Variants in MAP3K4 observed in about 807,000 individuals in gnomAD.
The protein encoded by MAP3K4 is mitogen-activated protein kinase kinase kinase 4, also known as MAP three kinase 1.
A neutral mutation model predicts 185.6 loss-of-function variants in MAP3K4; 67 were observed. That is an observed-to-expected ratio of 0.36 (90% CI 0.30 to 0.44). The LOEUF is 0.44. Among genes scored for constraint, MAP3K4 ranks in the 20% least tolerant of loss-of-function variants. The probability of loss-of-function intolerance (pLI) is 1.00; values close to 1 mark genes in which losing one functional copy is unlikely to be tolerated. For synonymous variants in MAP3K4, 702 were observed against 710.4 expected (o/e 0.99, Z 0.19); for missense variants, 1,551 against 1,995.1 (o/e 0.78, Z 4.24).
intron 1 of MAP3K4, among the ~76,000 whole-genome samples, chr6:160,999,370 A>G (rs1158506902): frequency 2.0e-5 from 3 of 152,254 alleles, no homozygotes; most frequent in South Asian, 2.1e-4. Context: ...ATATGGGAAC[A>G]TAAAAATGTA....
chr6:161,048,848 C>G lies in MAP3K4; in HGVS notation c.576C>G (p.Gly192=). 1 of 1,614,174 alleles carries G rather than the reference C, an allele frequency of 6.2e-7. No individual in the cohort carries two copies. ...TCAATAAGCCTTACCTCAGCCTTGG[C>G]TGTAGCAATGCTAAGCTTCCAGTAT... ...VDLNKPYLSL[G]CSNAKLPVSV... Residue 192 remains glycine (G), a synonymous_variant, in exon 3 of 27, where the codon GGC becomes GGG. Coordinates refer to ENST00000392142, the MANE Select transcript of MAP3K4 (RefSeq NM_005922.4). The surrounding 1 kb of genome is among the most constrained non-coding windows in gnomAD (Gnocchi z 4.7).
At position 161,098,983 on chromosome 6, in the gene MAP3K4, C is replaced by T. The variant is rs1043509804; in HGVS notation, c.3674+556C>T. ...TCAGACAACTTGGCAAGCCCCAGAACAATTAAGTCTCGCATTGTCTTTTGT... is the reference window on the plus strand; with the variant it reads ...TCAGACAACTTGGCAAGCCCCAGAATAATTAAGTCTCGCATTGTCTTTTGT... On this transcript the variant is annotated intron_variant, in intron 17 of 26. Transcript: ENST00000392142. This position sits in a 1 kb window ranked among gnomAD's most constrained non-coding sequence, Gnocchi z 4.4. Among the ~76,000 whole-genome samples the T allele has an allele frequency of 2.0e-5, 3 of 152,202 alleles. No homozygotes were observed. Among genetic ancestry groups the T allele is most frequent in the Non-Finnish European group, 2.9e-5 (2 of 68,038 alleles).
Position 161,098,126 on chromosome 6 carries a change from T to C in MAP3K4, c.3525-152T>C, listed in dbSNP as rs905899074. 14 of 932,518 alleles carry C rather than the reference T, an allele frequency of 1.5e-5. No individual in the cohort carries two copies. Among genetic ancestry groups the C allele is most frequent in the Non-Finnish European group, 2.2e-5 (14 of 627,578 alleles). 57.8% of individuals were successfully genotyped at this position (932,518 alleles called of 1,614,324 possible). ...CTTTGAAGTTAGGTTTTTTCTTTTTTACACCTAGACTCAAATCTCAAAGAA... is the reference window on the plus strand; with the variant it reads ...CTTTGAAGTTAGGTTTTTTCTTTTTCACACCTAGACTCAAATCTCAAAGAA... On this transcript the variant is annotated intron_variant, in intron 16 of 26. Transcript: ENST00000392142. This position sits in a 1 kb window ranked among gnomAD's most constrained non-coding sequence, Gnocchi z 4.4.
At position 161,070,970 on chromosome 6, in the gene MAP3K4, G is replaced by A. The variant is rs1273785555; in HGVS notation, c.1950+120G>A. The A allele has an allele frequency of 3.2e-6, 3 of 942,492 alleles. No individual in the cohort carries two copies. Among genetic ancestry groups the A allele is most frequent in the East Asian group, 5.4e-5 (2 of 37,024 alleles). The allele number at this position is 942,492 out of a possible 1,614,324, so 58.4% of individuals were successfully genotyped here. ...TTGTCGCAAATAGTGAAAAATGACT[G>A]TTTGTCCATGGTTTTAAGCTGTATA... On this transcript the variant is annotated intron_variant, in intron 4 of 26. Transcript: ENST00000392142. The surrounding 1 kb of genome is among the most constrained non-coding windows in gnomAD (Gnocchi z 4.5).
Position 161,091,555 on chromosome 6 carries a change from A to C in MAP3K4, c.3135+15A>C, listed in dbSNP as rs774449029. ...TTGGATTTGAGGTAGGTTCAAAATA[A>C]GAGGAAACACGGTACAATTTAGTAA... On this transcript the variant is annotated intron_variant, in intron 12 of 26. Coordinates refer to ENST00000392142, the MANE Select transcript of MAP3K4 (RefSeq NM_005922.4). The surrounding 1 kb of genome is among the most constrained non-coding windows in gnomAD (Gnocchi z 5.5). The C allele has an allele frequency of 5.6e-6, 9 of 1,607,644 alleles. No individual in the cohort carries two copies. The highest frequency in any genetic ancestry group is 3.3e-4 in the Middle Eastern group (2 of 6,034).
At position 161,048,752 on chromosome 6, in the gene MAP3K4, T is replaced by G; in HGVS notation, c.480T>G (p.Asn160Lys). ...LRTTERDRKKNVQCSFMLDSV... is the reference protein window; with the variant it reads ...LRTTERDRKKKVQCSFMLDSV... ...CAACAGAGCGTGATCGTAAAAAAAATGTACAGTGCTCATTCATGTTAGACT... is the reference window on the plus strand; with the variant it reads ...CAACAGAGCGTGATCGTAAAAAAAAGGTACAGTGCTCATTCATGTTAGACT... Residue 160 changes from asparagine (N) to lysine (K), a missense_variant, in exon 3 of 27, where the codon AAT (asparagine) becomes AAG (lysine). By Grantham distance (94) the Asn-to-Lys change is moderately conservative. Coordinates refer to ENST00000392142, the MANE Select transcript of MAP3K4 (RefSeq NM_005922.4). The surrounding 1 kb of genome is among the most constrained non-coding windows in gnomAD (Gnocchi z 4.7). 5 of 1,613,998 alleles carry G rather than the reference T, an allele frequency of 3.1e-6. No homozygotes were observed. The highest frequency in any genetic ancestry group is 4.2e-6 in the Non-Finnish European group (5 of 1,179,986).
In MAP3K4 at chr6:161,100,665, G is replaced by GTA. The variant is rs1777800745; in HGVS notation, c.3675-1223_3675-1222dup. Among the ~76,000 whole-genome samples the GTA allele has an allele frequency of 6.6e-6, 1 of 152,118 alleles. No homozygotes were observed. On this transcript the variant is annotated intron_variant, in intron 17 of 26. Transcript: ENST00000392142. This position sits in a 1 kb window ranked among gnomAD's most constrained non-coding sequence, Gnocchi z 5.8. ...CATTCCCCAATATGCCACTTCATGA[G>GTA]TATATGTTCTTGCTTTTTACCCGTG...
At position 161,022,049 on chromosome 6, in the gene MAP3K4, GT is replaced by G. The variant is rs1219061209; in HGVS notation, c.153-12208del. On this transcript the variant is annotated intron_variant, in intron 1 of 26. Transcript: ENST00000392142. The surrounding 1 kb of genome is among the most constrained non-coding windows in gnomAD (Gnocchi z 4.2). ...TGAAAAAGAAAAAAGAAGAGTTGTTGTTAATTCAAAATTACCGTTCCCTAGT... is the reference window on the plus strand; with the variant it reads ...TGAAAAAGAAAAAAGAAGAGTTGTTGTAATTCAAAATTACCGTTCCCTAGT... The G allele has an allele frequency of 6.6e-6, 1 of 152,142 alleles. No homozygotes were observed. Among genetic ancestry groups the G allele is most frequent in the Non-Finnish European group, 1.5e-5 (1 of 68,020 alleles). 9.4% of individuals were successfully genotyped at this position (152,142 alleles called of 1,614,324 possible). A position where few individuals can be genotyped will look rare whatever the true frequency, so the allele number is the denominator to read the frequency against.
At position 161,053,897 on chromosome 6, in the gene MAP3K4, G is replaced by A. The variant is rs1784119557; in HGVS notation, c.1707+3918G>A. On this transcript the variant is annotated intron_variant, in intron 3 of 26. Transcript: ENST00000392142. The surrounding 1 kb of genome is among the most constrained non-coding windows in gnomAD (Gnocchi z 4.2). ...GCGTGAGCCACTGCGCCTGGCTAGTGTTTTTGTTCTTAATTGTTAAAATAT... is the reference window on the plus strand; with the variant it reads ...GCGTGAGCCACTGCGCCTGGCTAGTATTTTTGTTCTTAATTGTTAAAATAT... Among the ~76,000 whole-genome samples, 1 of 151,732 alleles carries A rather than the reference G, an allele frequency of 6.6e-6. No homozygotes were observed. Among genetic ancestry groups the A allele is most frequent in the Non-Finnish European group, 1.5e-5 (1 of 67,928 alleles).
At chr6:161,072,662 G>GT (rs1562521163) in intron 4 of MAP3K4, among the ~76,000 whole-genome samples, 1 of 152,144 alleles carries the variant, frequency 6.6e-6, no homozygotes, top group African/African-American at 2.4e-5. Context: ...TAGAAAGTTT[G>GT]TATCAGTTTA....
At chr6:161,009,231 G>T (rs1039144116) in intron 1 of MAP3K4, among the ~76,000 whole-genome samples, 1 of 152,088 alleles carries the variant, frequency 6.6e-6, no homozygotes, top group African/African-American at 2.4e-5. Flanking sequence ...TCATCCACCC[G>T]CCTCGGCCTC....
chr6:161,059,559 T>C (rs1324039251), intron 3 of MAP3K4, among the ~76,000 whole-genome samples: 2 of 152,238 alleles, frequency 1.3e-5, no homozygotes, highest in Non-Finnish European at 2.9e-5. Context: ...TTTCTATTAT[T>C]GATCTGTTGG....
Position 161,097,163 on chromosome 6 carries a change from C to T in MAP3K4, c.3511C>T (p.Pro1171Ser), listed in dbSNP as rs1333616180. 3.1e-6 allele frequency: 5 copies of T among 1,613,820 alleles called. No homozygotes were observed. The African/African-American group carries it at 5.3e-5, about 17-fold the overall frequency. Reference sequence around the variant, plus strand: ...TAACCCACACCTCATTATCCCCACTCCAGAGGGATTCAGGTATTTGGTGCT... The same window carrying T: ...TAACCCACACCTCATTATCCCCACTTCAGAGGGATTCAGGTATTTGGTGCT... Reference protein sequence around the residue: ...PPNPHLIIPTPEGFSTRSMPS... With the variant: ...PPNPHLIIPTSEGFSTRSMPS... The change falls in exon 16 of 27, where the codon CCA becomes TCA. Residue 1171 changes from proline (P) to serine (S), a missense_variant. Around this residue, in one of 16 missense-constraint regions of MAP3K4, gnomAD observed 272 missense variants for 301.2 expected, o/e 0.90. Coordinates refer to ENST00000392142, the MANE Select transcript of MAP3K4 (RefSeq NM_005922.4). This position sits in a 1 kb window ranked among gnomAD's most constrained non-coding sequence, Gnocchi z 4.9.
intron 1 of MAP3K4, among the ~76,000 whole-genome samples, chr6:161,019,891 A>C (rs1190787308): frequency 6.6e-6 from 1 of 152,238 alleles, no homozygotes. Flanking sequence ...TTTGTAGGGT[A>C]TATGGAGGCC....
At position 161,093,107 on chromosome 6, in the gene MAP3K4, T is replaced by A; in HGVS notation, c.3348+51T>A. On this transcript the variant is annotated intron_variant, in intron 14 of 26. Coordinates refer to ENST00000392142, the MANE Select transcript of MAP3K4 (RefSeq NM_005922.4). The surrounding 1 kb of genome is among the most constrained non-coding windows in gnomAD (Gnocchi z 5.2). ...CATTATAAAATAAGCCAGTCACTCCTTATTTTCTGGTTGTATATGTTTTAT... is the reference window on the plus strand; with the variant it reads ...CATTATAAAATAAGCCAGTCACTCCATATTTTCTGGTTGTATATGTTTTAT... 1 of 1,256,510 alleles carries A rather than the reference T, an allele frequency of 8.0e-7. No individual in the cohort carries two copies. The highest frequency in any genetic ancestry group is 1.2e-6 in the Non-Finnish European group (1 of 868,066). The allele number at this position is 1,256,510 out of a possible 1,614,324, so 77.8% of individuals were successfully genotyped here. A position where few individuals can be genotyped will look rare whatever the true frequency, so the allele number is the denominator to read the frequency against.
chr6:160,999,106 A>T (rs1562470159), intron 1 of MAP3K4, among the ~76,000 whole-genome samples: 1 of 152,234 alleles, frequency 6.6e-6, no homozygotes, highest in Non-Finnish European at 1.5e-5. Context: ...AGACAAAATA[A>T]GCCTTCTGTG....
chr6:161,034,299 G>C lies in MAP3K4; in HGVS notation c.193G>C (p.Glu65Gln). 2.5e-6 allele frequency: 4 copies of C among 1,613,890 alleles called. No homozygotes were observed. The highest frequency in any genetic ancestry group is 1.6e-4 in the Middle Eastern group (1 of 6,062). Residue 65 changes from glutamate (E) to glutamine (Q), a missense_variant, in exon 2 of 27, where the codon GAA becomes CAA. This residue lies in a region of MAP3K4 where 287 missense variants were observed against 268.8 expected (regional missense o/e 1.07). Transcript: ENST00000392142. This position sits in a 1 kb window ranked among gnomAD's most constrained non-coding sequence, Gnocchi z 4.4. ...GGGAGATTCAGCTTGCAAGAGTCCTGAATCTGATCTAGAAGACTTCTCCGA... is the reference window on the plus strand; with the variant it reads ...GGGAGATTCAGCTTGCAAGAGTCCTCAATCTGATCTAGAAGACTTCTCCGA... ...TLGDSACKSP[E>Q]SDLEDFSDET... is the part of the protein sequence containing the mutation.
intron 1 of MAP3K4, among the ~76,000 whole-genome samples, chr6:161,025,189 A>G (rs1280842366): frequency 6.6e-6 from 1 of 152,170 alleles, no homozygotes; most frequent in African/African-American, 2.4e-5. Context: ...CTGTTTTTGA[A>G]TATTCCTCAC....
Position 161,109,634 on chromosome 6 carries a change from G to A in MAP3K4, c.4237-121G>A. On this transcript the variant is annotated intron_variant, in intron 22 of 26. Transcript: ENST00000392142. This position sits in a 1 kb window ranked among gnomAD's most constrained non-coding sequence, Gnocchi z 5.7. ...ACATTCAGTGCTCAGGATGGCAAGTGTAGTATACCGTTAGAAAGAACATTC... is the reference window on the plus strand; with the variant it reads ...ACATTCAGTGCTCAGGATGGCAAGTATAGTATACCGTTAGAAAGAACATTC... 1 of 967,036 alleles carries A rather than the reference G, an allele frequency of 1.0e-6. No homozygotes were observed. Among genetic ancestry groups the A allele is most frequent in the Non-Finnish European group, 1.6e-6 (1 of 629,328 alleles). The allele number at this position is 967,036 out of a possible 1,614,324, so 59.9% of individuals were successfully genotyped here.
Sources: gnomAD v4.1 joint callset for allele counts (sites outside exome capture counted in the v4.1 genomes callset) on GRCh38, gnomAD v4.1.1 for gene constraint, gnomAD v4.1.1 regional missense constraint, Gnocchi (gnomAD v3.1) non-coding constraint, MANE v1.5 for transcripts, NCBI Gene and HGNC (gene_info 2026-07-23, HGNC 2026-07-21) for gene names.